Variants in EYS observed in about 807,000 individuals in gnomAD.
The protein encoded by EYS is EGF-like photoreceptor maintenance factor, also known as protein eyes shut homolog.
In EYS, 250 loss-of-function variants were observed where a neutral mutation model predicts 282.1. The ratio of observed to expected loss-of-function variants is 0.89; its 90% CI spans 0.80 to 0.98. EYS has a LOEUF of 0.98. EYS is among the 50% of genes least tolerant of loss of function. The pLI, the probability that EYS is intolerant of heterozygous loss-of-function variation, is 0.00. For missense variants in EYS, 4,016 were observed against 3,709.0 expected, an observed-to-expected ratio of 1.08 and a Z score of -2.15; for synonymous variants, 1,355 against 1,282.9, an observed-to-expected ratio of 1.06 and a Z score of -1.20.
intron 31 of EYS, among the ~76,000 whole-genome samples, chr6:64,211,508 G>A (rs1460006600): frequency 6.6e-6 from 1 of 151,020 alleles, no homozygotes; most frequent in African/African-American, 2.4e-5. Context: ...TTATGTGAAT[G>A]ATATCTACCC....
chr6:64,716,679 A>C (rs113680763), intron 22 of EYS, among the ~76,000 whole-genome samples: 1 of 152,224 alleles, frequency 6.6e-6, no homozygotes, highest in African/African-American at 2.4e-5. Context: ...TTAGCAATGC[A>C]GTTAGCAACT....
rs565346043 is a variant in EYS, at chr6:64,495,290, G to C, written c.5645-55938C>G. Among the ~76,000 whole-genome samples the C allele has an allele frequency of 3.3e-5, 5 of 151,710 alleles. No homozygotes were observed. In the South Asian group the frequency reaches 1.0e-3, roughly 32 times the overall value. On this transcript the variant is annotated intron_variant, in intron 26 of 42. Coordinates refer to ENST00000503581, the MANE Select transcript of EYS (RefSeq NM_001142800.2). Reference sequence around the variant, plus strand: ...CAGGAGTCAGGTCAGACAACAACTCGGCAACTAGCTTCTTGTTATATACGC... The same window carrying C: ...CAGGAGTCAGGTCAGACAACAACTCCGCAACTAGCTTCTTGTTATATACGC...
intron 12 of EYS, among the ~76,000 whole-genome samples, chr6:65,237,403 CATT>C (rs1271327871): frequency 2.6e-5 from 4 of 152,126 alleles, no homozygotes; most frequent in Non-Finnish European, 1.5e-5. Flanking sequence ...AGGTTTGTAT[CATT>C]ATAACTGAAT....
At chr6:65,646,485 T>G (rs181855949) in intron 1 of EYS, among the ~76,000 whole-genome samples, 8 of 152,184 alleles carry the variant, frequency 5.3e-5, no homozygotes, top group Admixed American at 5.2e-4. Flanking sequence ...CCTTTATGAA[T>G]AAAACCTTCA....
chr6:64,349,720 T>TA (rs1210714993), intron 29 of EYS, among the ~76,000 whole-genome samples: 3 of 151,462 alleles, frequency 2.0e-5, no homozygotes, highest in Non-Finnish European at 4.4e-5. Context: ...CAAGAAAACT[T>TA]AAACTGTCTG....
rs1272738105 is a variant in EYS at position 64,230,791 on chromosome 6, G to A, written c.6225C>T (p.Ser2075=). Residue 2075 remains serine, a synonymous_variant, in exon 31 of 43, where the codon TCC becomes TCT. Coordinates refer to ENST00000503581, the MANE Select transcript of EYS (RefSeq NM_001142800.2). ...SQGFMLSPTA[S]FVDASDVTQG... is the part of the protein sequence containing the mutation. Reference sequence around the variant, plus strand: ...GTGTCACATCAGAAGCATCAACAAAGGAGGCTGTTGGAGACAGCATAAATC... The same window carrying A: ...GTGTCACATCAGAAGCATCAACAAAAGAGGCTGTTGGAGACAGCATAAATC... The A allele has an allele frequency of 3.2e-6, 5 of 1,550,766 alleles. No homozygotes were observed. Among genetic ancestry groups the A allele is most frequent in the Non-Finnish European group, 4.4e-6 (5 of 1,146,312 alleles).
At chr6:64,621,251 T>C (rs1767438333) in intron 23 of EYS, among the ~76,000 whole-genome samples, 1 of 152,308 alleles carries the variant, frequency 6.6e-6, no homozygotes, top group Non-Finnish European at 1.5e-5. Context: ...TTATAATACT[T>C]TGAGTTTATG....
chr6:64,662,383 TA>T (rs1037423717), intron 22 of EYS, among the ~76,000 whole-genome samples: 2 of 152,060 alleles, frequency 1.3e-5, no homozygotes, highest in South Asian at 2.1e-4. Flanking sequence ...TAAAGTATAA[TA>T]AAAAAAGATT....
intron 12 of EYS, among the ~76,000 whole-genome samples, chr6:65,196,502 A>G (rs559762105): frequency 6.6e-6 from 1 of 152,098 alleles, no homozygotes; most frequent in Non-Finnish European, 1.5e-5. Context: ...AATCACCTGC[A>G]TAGGGCAATC....
At position 64,590,556 on chromosome 6, in the gene EYS, T is replaced by C. The variant is rs1340847349; in HGVS notation, c.5311A>G (p.Lys1771Glu). 6.4e-7 allele frequency: 1 copy of C among 1,551,428 alleles called. No individual in the cohort carries two copies. Among genetic ancestry groups the C allele is most frequent in the South Asian group, 1.2e-5 (1 of 84,062 alleles). Residue 1771 changes from lysine (K) to glutamate (E), a missense_variant, in exon 26 of 43, where the codon AAA (lysine) becomes GAA (glutamate). By Grantham distance (56) the Lys-to-Glu change is moderately conservative. Coordinates refer to ENST00000503581, the MANE Select transcript of EYS (RefSeq NM_001142800.2). Reference sequence around the variant, plus strand: ...CCTGTCAATGGTGGCAGATTATTTTTGAAGTCATTTGCATGTGTAATTTCT... The same window carrying C: ...CCTGTCAATGGTGGCAGATTATTTTCGAAGTCATTTGCATGTGTAATTTCT... ...YSEITHANDF[K>E]NNLPPLTGSV...
Position 64,945,775 on chromosome 6 carries a change from TA to T in EYS, c.2381+17del. On this transcript the variant is annotated intron_variant, in intron 15 of 42. Coordinates refer to ENST00000503581, the MANE Select transcript of EYS (RefSeq NM_001142800.2). ...CTCCAAGTAATTTCATGAAGAAAGCTAAAAATATGTTACTCACCGATAGCTT... is the reference window on the plus strand; with the variant it reads ...CTCCAAGTAATTTCATGAAGAAAGCTAAAATATGTTACTCACCGATAGCTT... 6.5e-7 allele frequency: 1 copy of T among 1,547,992 alleles called. No individual in the cohort carries two copies. Among genetic ancestry groups the T allele is most frequent in the Non-Finnish European group, 8.7e-7 (1 of 1,144,698 alleles).
intron 28 of EYS, among the ~76,000 whole-genome samples, chr6:64,423,851 T>C (rs1334883299): frequency 6.6e-6 from 1 of 152,172 alleles, no homozygotes; most frequent in Non-Finnish European, 1.5e-5. Flanking sequence ...AGATCACCAA[T>C]GGCAAGCTTT....
chr6:64,027,504 T>C (rs1245316960), intron 33 of EYS, among the ~76,000 whole-genome samples: 2 of 151,990 alleles, frequency 1.3e-5, no homozygotes, highest in Non-Finnish European at 2.9e-5. Context: ...TGTTCTATAA[T>C]AGGGACCAAG....
intron 26 of EYS, among the ~76,000 whole-genome samples, chr6:64,449,624 C>T (rs1775246368): frequency 6.6e-6 from 1 of 152,132 alleles, no homozygotes; most frequent in South Asian, 2.1e-4. Context: ...GGGTTACCTA[C>T]AAAGGGAAGC....
At chr6:64,998,255 C>T (rs116182405) in intron 13 of EYS, among the ~76,000 whole-genome samples, 2,384 of 152,168 alleles carry the variant, frequency 0.016, 66 homozygotes, top group African/African-American at 0.054. Flanking sequence ...TTCATTTTAC[C>T]ATTAATGATG....
chr6:64,519,378 G>C (rs954466050), intron 26 of EYS, among the ~76,000 whole-genome samples: 13 of 151,788 alleles, frequency 8.6e-5, no homozygotes, highest in Non-Finnish European at 1.6e-4. Flanking sequence ...TTGATATAGA[G>C]ATTTGCCTGC....
intron 35 of EYS, among the ~76,000 whole-genome samples, chr6:63,902,859 G>A (rs1034386529): frequency 2.6e-5 from 4 of 152,172 alleles, no homozygotes; most frequent in African/African-American, 9.7e-5. Flanking sequence ...TATGAATAAA[G>A]ATGTAGGTTG....
At chr6:65,295,818 A>G (rs1166363699) in intron 12 of EYS, 45 bp downstream of exon 12, 15 of 1,410,626 alleles carry the variant, frequency 1.1e-5, no homozygotes, top group Non-Finnish European at 1.2e-5. Context: ...TATTAACAAC[A>G]TTATTTACTA....
chr6:63,905,296 T>C (rs1266437180), intron 35 of EYS, among the ~76,000 whole-genome samples: 1 of 151,932 alleles, frequency 6.6e-6, no homozygotes, highest in Non-Finnish European at 1.5e-5. Flanking sequence ...AGAGAGGATG[T>C]AGCCAGTTAA....
Sources: gnomAD v4.1 joint callset for allele counts (sites outside exome capture counted in the v4.1 genomes callset) on GRCh38, gnomAD v4.1.1 for gene constraint, MANE v1.5 for transcripts, NCBI Gene and HGNC (gene_info 2026-07-23, HGNC 2026-07-21) for gene names.